Variants in ABCA5 observed in about 807,000 individuals in gnomAD.
ABCA5 encodes the protein ATP binding cassette subfamily A member 5, also known as cholesterol transporter ABCA5.
Under a neutral mutation model 206.0 loss-of-function variants are expected in ABCA5, and 163 were observed. The ratio of observed to expected loss-of-function variants is 0.79; its 90% CI spans 0.70 to 0.90. The LOEUF is 0.90. Among genes scored for constraint, ABCA5 ranks in the 40% least tolerant of loss-of-function variants. The pLI is 0.00. For missense variants in ABCA5, 1,859 were observed against 1,912.9 expected, an observed-to-expected ratio of 0.97 and a Z score of 0.53; for synonymous variants, 609 against 613.8, an observed-to-expected ratio of 0.99 and a Z score of 0.11.
intron 25 of ABCA5, 84 bp downstream of exon 25, chr17:69,261,551 T>C: frequency 3.4e-6 from 2 of 586,120 alleles, no homozygotes; most frequent in Non-Finnish European, 5.5e-6. Context: ...ACAAAAGACA[T>C]GTAACATTTT....
chr17:69,276,289 A>T (rs1470615517), intron 19 of ABCA5, among the ~76,000 whole-genome samples: 1 of 152,002 alleles, frequency 6.6e-6, no homozygotes, highest in Admixed American at 6.6e-5. Context: ...GAGTTTCACC[A>T]TGTTGGCCAG....
intron 3 of ABCA5, 55 bp downstream of exon 3, chr17:69,313,033 TGATA>T (rs2075784588): frequency 1.7e-6 from 2 of 1,167,800 alleles, no homozygotes; most frequent in Non-Finnish European, 2.3e-6. Flanking sequence ...TAAAGCAAGC[TGATA>T]AATATTGAAA....
intron 11 of ABCA5, 62 bp from the exon 12 acceptor site, chr17:69,291,388 A>G (rs568096528): frequency 9.7e-7 from 1 of 1,030,368 alleles, no homozygotes; most frequent in African/African-American, 1.6e-5. Flanking sequence ...ATGCATGATA[A>G]TTCATAATAT....
At chr17:69,271,639 A>AGCTGCT (rs142447746) in intron 20 of ABCA5, among the ~76,000 whole-genome samples, 4 of 151,426 alleles carry the variant, frequency 2.6e-5, no homozygotes, top group Non-Finnish European at 4.4e-5. Context: ...CGCATATTTT[A>AGCTGCT]GCTGCTGCTG....
chr17:69,291,186 G>GTTT (rs34164530), intron 12 of ABCA5, 30 bp downstream of exon 12: 33 of 1,373,722 alleles, frequency 2.4e-5, no homozygotes, highest in South Asian at 8.7e-5. Context: ...ATATAATGAA[G>GTTT]TTTTTTTTTC....
Position 69,326,094 on chromosome 17 carries a change from A to C in ABCA5, c.-16+958T>G, listed in dbSNP as rs911666164. On this transcript the variant is annotated intron_variant, in intron 1 of 38. Coordinates refer to ENST00000392676, the MANE Select transcript of ABCA5 (RefSeq NM_172232.4). This position sits in a 1 kb window ranked among gnomAD's most constrained non-coding sequence, Gnocchi z 4.8. ...ATATACTAAATAAAGCACCAGAATT[A>C]GGGTCTGGCAGCCCGGGTTGGAATC... is the stretch of plus-strand genomic sequence containing the variant. Among the ~76,000 whole-genome samples the C allele has an allele frequency of 7.2e-5, 11 of 152,198 alleles. No individual in the cohort carries two copies. The highest frequency in any genetic ancestry group is 2.2e-4 in the African/African-American group (9 of 41,452).
At chr17:69,284,878 C>G (rs1371409948) in intron 17 of ABCA5, among the ~76,000 whole-genome samples, 1 of 152,150 alleles carries the variant, frequency 6.6e-6, no homozygotes, top group African/African-American at 2.4e-5. Flanking sequence ...GTCTTACGGT[C>G]CATCCTACAG....
chr17:69,301,914 T>C (rs534699543), intron 8 of ABCA5, among the ~76,000 whole-genome samples: 6 of 152,264 alleles, frequency 3.9e-5, no homozygotes, highest in African/African-American at 1.4e-4. Flanking sequence ...TGAAAGGCCA[T>C]CCCACTCACA....
At chr17:69,290,507 C>T (rs971221410) in intron 12 of ABCA5, among the ~76,000 whole-genome samples, 1 of 151,988 alleles carries the variant, frequency 6.6e-6, no homozygotes, top group Non-Finnish European at 1.5e-5. Flanking sequence ...AACAATCATA[C>T]ATTATGAAGA....
intron 24 of ABCA5, among the ~76,000 whole-genome samples, chr17:69,262,885 C>G (rs564043876): frequency 1.3e-5 from 2 of 152,176 alleles, no homozygotes; most frequent in South Asian, 4.2e-4. Context: ...TTCTCTGCAG[C>G]CTCGCCAGCA....
chr17:69,301,718 GATTA>G (rs1481182722), intron 8 of ABCA5, among the ~76,000 whole-genome samples: 5 of 152,254 alleles, frequency 3.3e-5, no homozygotes, highest in Admixed American at 1.3e-4. Flanking sequence ...CAAGTATTTT[GATTA>G]ATTAACACAA....
intron 37 of ABCA5, 184 bp downstream of exon 37, chr17:69,249,721 T>C (rs1484846168): frequency 5.8e-6 from 4 of 685,236 alleles, no homozygotes; most frequent in Admixed American, 6.7e-5. Flanking sequence ...TTATCTGCCA[T>C]AGTTTCTAAA....
intron 1 of ABCA5, chr17:69,317,008 T>C (rs1005294987): frequency 1.3e-5 from 2 of 152,230 alleles, no homozygotes; most frequent in African/African-American, 4.8e-5. Context: ...GTAGTGCTAT[T>C]CAGAATAGCA....
chr17:69,315,487 C>T (rs2075806925), intron 1 of ABCA5: 1 of 152,150 alleles, frequency 6.6e-6, no homozygotes, highest in Non-Finnish European at 1.5e-5. Flanking sequence ...GCAAATGAAG[C>T]ATGTAGAAAA....
Position 69,297,273 on chromosome 17 carries a change from C to CCGCAA in ABCA5, c.1353_1354insTTGCG (p.Glu452LeufsTer24). On this transcript the variant is annotated frameshift_variant, in exon 10 of 39. Transcript: ENST00000392676. LOFTEE classifies it high-confidence loss of function. ...CTAATATTTCCATTAACATTGCCCT[C>CCGCAA]TGATAACTCCTCATAATTTCTTTTG... The CCGCAA allele has an allele frequency of 6.2e-7, 1 of 1,612,824 alleles. No individual in the cohort carries two copies. The highest frequency in any genetic ancestry group is 1.7e-5 in the Admixed American group (1 of 59,888).
chr17:69,284,075 A>G lies in ABCA5; in HGVS notation c.2273-3T>C, dbSNP rs750010080. ...ACTGTCTAGGGCAGAAAACAAACCT[A>G]AAAGAAAAAAATGAAAGAATAGTAT... On this transcript the variant is annotated splice_region_variant and splice_polypyrimidine_tract_variant and intron_variant, in intron 17 of 38. Coordinates refer to ENST00000392676, the MANE Select transcript of ABCA5 (RefSeq NM_172232.4). 3.2e-6 allele frequency: 5 copies of G among 1,546,064 alleles called. No homozygotes were observed. Among genetic ancestry groups the G allele is most frequent in the Non-Finnish European group, 4.3e-6 (5 of 1,152,454 alleles).
At chr17:69,289,627 A>G (rs1397814250) in intron 13 of ABCA5, among the ~76,000 whole-genome samples, 2 of 152,130 alleles carry the variant, frequency 1.3e-5, no homozygotes, top group African/African-American at 2.4e-5. Context: ...AGAGGAGATG[A>G]GAGCAAGAGA....
At chr17:69,267,901 A>C (rs998743607) in intron 23 of ABCA5, 42 bp downstream of exon 23, 2 of 1,158,398 alleles carry the variant, frequency 1.7e-6, no homozygotes, top group African/African-American at 3.1e-5. Context: ...TTTATATGAC[A>C]CTTCTTATTA....
intron 7 of ABCA5, 126 bp from the exon 8 acceptor site, chr17:69,303,032 A>G (rs1267254495): frequency 4.1e-6 from 2 of 489,490 alleles, no homozygotes; most frequent in African/African-American, 2.0e-5. Flanking sequence ...ATACAACTAT[A>G]ATTTCTAAAT....
Sources: allele counts gnomAD v4.1 joint callset (sites outside exome capture counted in the v4.1 genomes callset), GRCh38; gene constraint gnomAD v4.1.1; non-coding constraint Gnocchi (gnomAD v3.1); transcripts MANE v1.5; gene names NCBI Gene and HGNC (gene_info 2026-07-23, HGNC 2026-07-21).